Variants in WWOX observed in about 807,000 individuals in gnomAD.
The protein encoded by WWOX is WW domain containing oxidoreductase.
WWOX carries 69 observed loss-of-function variants against 46.2 expected under a neutral mutation model. That is an observed-to-expected ratio of 1.49 (90% CI 1.23 to 1.82). The LOEUF (loss-of-function observed/expected upper bound fraction) is 1.82, where lower values mean the gene tolerates loss of function less well. Among genes scored for constraint, WWOX ranks in the 40% most tolerant of loss-of-function variants. The pLI, the probability that WWOX is intolerant of heterozygous loss-of-function variation, is 0.00. For missense variants in WWOX, 919 were observed against 542.6 expected (o/e 1.69, Z -6.89); for synonymous variants, 359 against 202.6 (o/e 1.77, Z -6.56).
intron 7 of WWOX, among the ~76,000 whole-genome samples, chr16:78,429,918 T>C (rs1032683400): frequency 6.6e-6 from 1 of 152,130 alleles, no homozygotes; most frequent in African/African-American, 2.4e-5. Context: ...GAATGGACTC[T>C]CATAAAAAAG....
intron 5 of WWOX, among the ~76,000 whole-genome samples, chr16:78,197,803 GA>G (rs1220212942): frequency 2.0e-5 from 3 of 152,210 alleles, no homozygotes; most frequent in African/African-American, 7.2e-5. Flanking sequence ...GAGAGGAGGT[GA>G]GCGACTTGCC....
chr16:79,106,510 C>T (rs868868344), intron 8 of WWOX: 1 of 149,230 alleles, frequency 6.7e-6, no homozygotes, highest in South Asian at 2.1e-4. Flanking sequence ...AGTATGAGTG[C>T]GTATTTGGGG....
At chr16:78,931,307 G>A (rs530679408) in intron 8 of WWOX, among the ~76,000 whole-genome samples, 2 of 152,254 alleles carry the variant, frequency 1.3e-5, no homozygotes, top group East Asian at 3.9e-4. Flanking sequence ...CAATCTGAAC[G>A]GTAGTCAAAG....
chr16:79,152,447 G>A (rs148996841), intron 8 of WWOX, among the ~76,000 whole-genome samples: 2 of 152,054 alleles, frequency 1.3e-5, no homozygotes, highest in South Asian at 2.1e-4. Context: ...TGAGGCGGGC[G>A]GATCACGAGG....
At position 79,212,294 on chromosome 16, in the gene WWOX, G is replaced by C. The variant is rs899022693; in HGVS notation, c.*498G>C. The C allele has an allele frequency of 1.3e-5, 13 of 1,038,908 alleles. No homozygotes were observed. The highest frequency in any genetic ancestry group is 3.2e-4 in the Middle Eastern group (1 of 3,132). 64.4% of individuals were successfully genotyped at this position (1,038,908 alleles called of 1,614,324 possible). A position where few individuals can be genotyped will look rare whatever the true frequency, so the allele number is the denominator to read the frequency against. Reference sequence around the variant, plus strand: ...TCCTGACCAAGACTGAGCCAGCTTAGCAACTGCTGGGGAGACAAATCTCAG... The same window carrying C: ...TCCTGACCAAGACTGAGCCAGCTTACCAACTGCTGGGGAGACAAATCTCAG... On this transcript the variant is annotated 3_prime_UTR_variant, in exon 9 of 9. Transcript: ENST00000566780.
At chr16:78,993,975 T>C (rs1048427304) in intron 8 of WWOX, among the ~76,000 whole-genome samples, 1 of 152,172 alleles carries the variant, frequency 6.6e-6, no homozygotes, top group Non-Finnish European at 1.5e-5. Flanking sequence ...AGCCAACAGC[T>C]CAGCCCTGTC....
At chr16:78,157,740 T>C (rs2034655043) in intron 4 of WWOX, among the ~76,000 whole-genome samples, 1 of 152,208 alleles carries the variant, frequency 6.6e-6, no homozygotes, top group Non-Finnish European at 1.5e-5. Flanking sequence ...GAGCCCGAGG[T>C]TGATTTCTTT....
intron 8 of WWOX, among the ~76,000 whole-genome samples, chr16:78,681,109 C>T (rs553589955): frequency 4.8e-4 from 73 of 152,212 alleles, no homozygotes; most frequent in Admixed American, 9.8e-4. Context: ...GATAGTTGAG[C>T]GTGGTGGCGC....
At chr16:78,783,806 T>C (rs1426045280) in intron 8 of WWOX, among the ~76,000 whole-genome samples, 2 of 151,612 alleles carry the variant, frequency 1.3e-5, no homozygotes, top group Non-Finnish European at 2.9e-5. Flanking sequence ...AGGGTGATGG[T>C]GATGATGATG....
intron 8 of WWOX, among the ~76,000 whole-genome samples, chr16:79,125,013 C>T (rs1057418159): frequency 6.6e-6 from 1 of 151,540 alleles, no homozygotes; most frequent in African/African-American, 2.4e-5. Flanking sequence ...GATTATAATC[C>T]ATGCCTGTCT....
At chr16:78,799,204 G>A (rs978477941) in intron 8 of WWOX, among the ~76,000 whole-genome samples, 1 of 152,172 alleles carries the variant, frequency 6.6e-6, no homozygotes, top group Non-Finnish European at 1.5e-5. Context: ...TAAAGAAACA[G>A]GGACACGGTG....
chr16:79,066,784 G>A (rs1465417386), intron 8 of WWOX, among the ~76,000 whole-genome samples: 1 of 152,208 alleles, frequency 6.6e-6, no homozygotes, highest in Non-Finnish European at 1.5e-5. Flanking sequence ...CTCTGGCAAT[G>A]GTCCAGGTCA....
chr16:78,931,609 T>G (rs1451788667), intron 8 of WWOX, among the ~76,000 whole-genome samples: 1 of 152,200 alleles, frequency 6.6e-6, no homozygotes, highest in Non-Finnish European at 1.5e-5. Context: ...AGGAGGCACA[T>G]ATAAAAGTAA....
intron 8 of WWOX, among the ~76,000 whole-genome samples, chr16:78,478,444 C>T (rs113671044): frequency 0.014 from 2,137 of 152,180 alleles, 51 homozygotes; most frequent in African/African-American, 0.049. Flanking sequence ...TTTCAGACTC[C>T]GGAAAGAAAA....
chr16:78,649,756 T>G (rs2046924588), intron 8 of WWOX, among the ~76,000 whole-genome samples: 2 of 152,258 alleles, frequency 1.3e-5, no homozygotes, highest in South Asian at 4.1e-4. Flanking sequence ...AACTTGGGTT[T>G]ACTTATCTCA....
chr16:78,369,441 A>T (rs1304610482), intron 5 of WWOX, among the ~76,000 whole-genome samples: 1 of 152,154 alleles, frequency 6.6e-6, no homozygotes, highest in Non-Finnish European at 1.5e-5. Context: ...AAGAACCAAA[A>T]TAAAGAGTTT....
intron 8 of WWOX, among the ~76,000 whole-genome samples, chr16:78,796,875 G>T (rs111533529): frequency 1.3e-5 from 2 of 151,188 alleles, no homozygotes; most frequent in Admixed American, 1.3e-4. Context: ...ACCTAGGCTG[G>T]AGTGCAGTGG....
In WWOX at chr16:78,534,198, T is replaced by A. The variant is rs181084003; in HGVS notation, c.1056+101446T>A. 2.7e-3 allele frequency among the ~76,000 whole-genome samples: 413 copies of A among 152,342 alleles called. 1 individual carries two copies. Among genetic ancestry groups the A allele is most frequent in the Non-Finnish European group, 4.3e-3 (295 of 68,028 alleles). On this transcript the variant is annotated intron_variant, in intron 8 of 8. Transcript: ENST00000566780. ...GCTATGCATCTGTGGATAGGAGGCTTACCCACTCTGAGTCTTGTCAAATAC... is the reference window on the plus strand; with the variant it reads ...GCTATGCATCTGTGGATAGGAGGCTAACCCACTCTGAGTCTTGTCAAATAC...
intron 5 of WWOX, among the ~76,000 whole-genome samples, chr16:78,228,827 G>A (rs1424396072): frequency 6.6e-6 from 1 of 152,214 alleles, no homozygotes; most frequent in Non-Finnish European, 1.5e-5. Context: ...TCCTGGAGGT[G>A]TGGAAATACT....
Sources: allele counts gnomAD v4.1 joint callset (sites outside exome capture counted in the v4.1 genomes callset), GRCh38; gene constraint gnomAD v4.1.1; transcripts MANE v1.5; gene names NCBI Gene and HGNC (gene_info 2026-07-23, HGNC 2026-07-21).